The following RNLS variants were observed in gnomAD, a reference collection of about 807,000 sequenced individuals.
RNLS encodes the protein renalase.
In RNLS, 39 loss-of-function variants were observed where a neutral mutation model predicts 39.8. The ratio of observed to expected loss-of-function variants is 0.98; its 90% CI spans 0.76 to 1.28. The LOEUF (loss-of-function observed/expected upper bound fraction) is 1.28, where lower values mean the gene tolerates loss of function less well. Ranked by LOEUF, RNLS falls within the 50% of genes most tolerant of loss-of-function variation. RNLS has a pLI of 0.00. For synonymous variants in RNLS, 147 were observed against 150.7 expected (o/e 0.98, Z 0.18); for missense variants, 410 against 413.3 (o/e 0.99, Z 0.07).
Position 88,285,249 on chromosome 10 carries a change from A to G in RNLS, c.*105T>C, listed in dbSNP as rs746515893. 3.7e-5 allele frequency: 52 copies of G among 1,411,530 alleles called. No homozygotes were observed. The highest frequency in any genetic ancestry group is 3.8e-4 in the Middle Eastern group (2 of 5,258). The allele number at this position is 1,411,530 out of a possible 1,614,324, so 87.4% of individuals were successfully genotyped here. A position where few individuals can be genotyped will look rare whatever the true frequency, so the allele number is the denominator to read the frequency against. ...GAAAAATGATAATAAGTGAAGAACA[A>G]TTTTCCAGTAATTTTTCTTAGCAAA... is the stretch of plus-strand genomic sequence containing the variant. On this transcript the variant is annotated 3_prime_UTR_variant, in exon 7 of 7. Coordinates refer to ENST00000331772, the MANE Select transcript of RNLS (RefSeq NM_001031709.3).
chr10:88,573,133 C>G (rs1257416157), intron 3 of RNLS, 72 bp from the exon 4 acceptor site: 1 of 1,431,714 alleles, frequency 7.0e-7, no homozygotes, highest in East Asian at 2.3e-5. Flanking sequence ...TGAGTAGTCA[C>G]AAACTGAATC....
chr10:88,389,643 C>T (rs1852079057), intron 4 of RNLS, among the ~76,000 whole-genome samples: 1 of 151,912 alleles, frequency 6.6e-6, no homozygotes, highest in Admixed American at 6.6e-5. Flanking sequence ...ACCATGGTGC[C>T]CTCTGGTGGA....
intron 4 of RNLS, among the ~76,000 whole-genome samples, chr10:88,375,965 A>G (rs746986688): frequency 6.6e-6 from 1 of 152,026 alleles, no homozygotes; most frequent in Admixed American, 6.6e-5. Context: ...AGGGGAGACA[A>G]TGTATGGTGA....
chr10:88,257,885 G>C, the RNLS span, among the ~76,000 whole-genome samples: 2 of 152,134 alleles, frequency 1.3e-5, no homozygotes, highest in Non-Finnish European at 2.9e-5. Flanking sequence ...GAAGAAAGGG[G>C]AAGCGCATTA....
At chr10:88,323,071 A>G (rs1217045695) in intron 5 of RNLS, among the ~76,000 whole-genome samples, 1 of 152,190 alleles carries the variant, frequency 6.6e-6, no homozygotes, top group Non-Finnish European at 1.5e-5. Context: ...AAATGCATTT[A>G]ACTAATAAGG....
At chr10:88,583,024 C>CCT in intron 1 of RNLS, 49 bp downstream of exon 1, 1 of 1,589,320 alleles carries the variant, frequency 6.3e-7, no homozygotes, top group Non-Finnish European at 8.6e-7. Flanking sequence ...ACCTCAGCAG[C>CCT]CTGCCCGGCA....
intron 4 of RNLS, among the ~76,000 whole-genome samples, chr10:88,562,166 T>G (rs1305316943): frequency 6.6e-6 from 1 of 152,242 alleles, no homozygotes; most frequent in Non-Finnish European, 1.5e-5. Context: ...AGCCAGAAAT[T>G]TCACTTTGGG....
At chr10:88,402,761 T>C (rs12771145) in intron 4 of RNLS, among the ~76,000 whole-genome samples, 3,189 of 152,106 alleles carry the variant, frequency 0.021, 53 homozygotes, top group Middle Eastern at 0.041. Context: ...GCACCGTTAC[T>C]GAGTAATCTC....
At chr10:88,244,087 C>T in the RNLS span, among the ~76,000 whole-genome samples, 1 of 152,222 alleles carries the variant, frequency 6.6e-6, no homozygotes, top group South Asian at 2.1e-4. Flanking sequence ...TCTCTCAATG[C>T]TCTTCGGGCT....
chr10:88,322,496 T>C (rs1846260164), intron 5 of RNLS, among the ~76,000 whole-genome samples: 1 of 152,120 alleles, frequency 6.6e-6, no homozygotes, highest in Admixed American at 6.5e-5. Context: ...TCTCACAAGA[T>C]CTGATGGTAT....
chr10:88,292,250 G>C (rs754435039), intron 6 of RNLS, among the ~76,000 whole-genome samples: 1 of 149,942 alleles, frequency 6.7e-6, no homozygotes, highest in Non-Finnish European at 1.5e-5. Flanking sequence ...CTAGGATGCT[G>C]CCTTTTTCAT....
At chr10:88,495,610 G>T (rs1425310725) in intron 4 of RNLS, among the ~76,000 whole-genome samples, 1 of 152,154 alleles carries the variant, frequency 6.6e-6, no homozygotes, top group Non-Finnish European at 1.5e-5. Context: ...GATGAGAGAG[G>T]AGGAAAATTT....
rs1288162813 is a variant in RNLS at position 88,362,564 on chromosome 10, T to C, written c.688A>G (p.Lys230Glu). Residue 230 changes from lysine to glutamate, a missense_variant, in exon 5 of 7, where the codon AAG (lysine) becomes GAG (glutamate). Coordinates refer to ENST00000331772, the MANE Select transcript of RNLS (RefSeq NM_001031709.3). ...CIRFVSIDNK[K>E]RNIESSEIGP... ...TAGGGGTACTGACCTATATTGCGCT[T>C]CTTATTATCAATGGAGACGAAGCGT... 2 of 1,613,670 alleles carry C rather than the reference T, an allele frequency of 1.2e-6. No individual in the cohort carries two copies. Among genetic ancestry groups the C allele is most frequent in the African/African-American group, 2.7e-5 (2 of 74,900 alleles).
intron 6 of RNLS, among the ~76,000 whole-genome samples, chr10:88,295,434 T>G (rs1844013433): frequency 1.3e-5 from 2 of 152,162 alleles, no homozygotes; most frequent in South Asian, 4.1e-4. Context: ...TTATGTGTTG[T>G]GTTCATCATT....
At chr10:88,183,069 A>G in the RNLS span, among the ~76,000 whole-genome samples, 7 of 152,286 alleles carry the variant, frequency 4.6e-5, no homozygotes, top group South Asian at 1.4e-3. Context: ...GCATATTAGC[A>G]TGCTTCTTGA....
intron 4 of RNLS, among the ~76,000 whole-genome samples, chr10:88,494,889 G>A (rs1281961635): frequency 6.6e-6 from 1 of 152,082 alleles, no homozygotes; most frequent in African/African-American, 2.4e-5. Flanking sequence ...TTACTCTGAG[G>A]TCCCTATATT....
At chr10:88,526,383 C>T (rs761222003) in intron 4 of RNLS, among the ~76,000 whole-genome samples, 7 of 151,644 alleles carry the variant, frequency 4.6e-5, no homozygotes, top group Non-Finnish European at 1.0e-4. Flanking sequence ...TCCTTATTTC[C>T]TACTAAAATG....
chr10:88,581,294 G>GTGTGTA (rs1376395535), intron 3 of RNLS, among the ~76,000 whole-genome samples: 29 of 129,860 alleles, frequency 2.2e-4, no homozygotes, highest in African/African-American at 8.3e-4. Context: ...GTGTGTGTGT[G>GTGTGTA]TATATATATA....
chr10:88,472,989 A>G (rs1052555967), intron 4 of RNLS, among the ~76,000 whole-genome samples: 1 of 152,184 alleles, frequency 6.6e-6, no homozygotes, highest in Non-Finnish European at 1.5e-5. Flanking sequence ...GTTGTTTTGC[A>G]AACATCATAG....
Sources: allele counts gnomAD v4.1 joint callset (sites outside exome capture counted in the v4.1 genomes callset), GRCh38; gene constraint gnomAD v4.1.1; transcripts MANE v1.5; gene names NCBI Gene and HGNC (gene_info 2026-07-23, HGNC 2026-07-21).